The following SLC25A16 variants were observed in gnomAD, a reference collection of about 807,000 sequenced individuals.
SLC25A16 encodes solute carrier family 25 member 16.
Under a neutral mutation model 41.5 loss-of-function variants are expected in SLC25A16, and 39 were observed. That is an observed-to-expected ratio of 0.94 (90% CI 0.73 to 1.23). The LOEUF is 1.23. Ranked by LOEUF, SLC25A16 falls within the 50% of genes most tolerant of loss-of-function variation. The probability of loss-of-function intolerance (pLI) is 0.00; values close to 1 mark genes in which losing one functional copy is unlikely to be tolerated. For missense variants in SLC25A16, 421 were observed against 426.9 expected (o/e 0.99, Z 0.12); for synonymous variants, 146 against 147.8 (o/e 0.99, Z 0.09).
chr10:68,517,284 A>G, intron 1 of SLC25A16: 1 of 985,130 alleles, frequency 1.0e-6, no homozygotes. Flanking sequence ...TTTTTCATTG[A>G]AACAACCAAC....
At chr10:68,484,396 C>T (rs2052525860) in intron 8 of SLC25A16, among the ~76,000 whole-genome samples, 1 of 150,844 alleles carries the variant, frequency 6.6e-6, no homozygotes. Flanking sequence ...TTTCAATAGG[C>T]AATCTGGACC....
intron 1 of SLC25A16, among the ~76,000 whole-genome samples, chr10:68,525,909 C>T (rs923829472): frequency 6.6e-6 from 1 of 152,006 alleles, no homozygotes; most frequent in Non-Finnish European, 1.5e-5. Context: ...CAGCATGCTC[C>T]TTAAGAGTCA....
intron 8 of SLC25A16, among the ~76,000 whole-genome samples, chr10:68,486,265 T>C (rs1268217910): frequency 7.2e-6 from 1 of 139,114 alleles, no homozygotes; most frequent in Non-Finnish European, 1.5e-5. Context: ...TCTAAAATAA[T>C]ATTTTTTTTT....
At position 68,518,479 on chromosome 10, in the gene SLC25A16, C is replaced by A. The variant is rs115528338; in HGVS notation, c.131-1636G>T. 6.7e-3 allele frequency among the ~76,000 whole-genome samples: 1,007 copies of A among 151,312 alleles called. 7 individuals carry two copies. The highest frequency in any genetic ancestry group is 0.023 in the African/African-American group (942 of 41,308). Reference sequence around the variant, plus strand: ...TTTAAAAATCCATATTCTGAGATATCCAAAAATAAATTGTGGCTGGGAGCC... The same window carrying A: ...TTTAAAAATCCATATTCTGAGATATACAAAAATAAATTGTGGCTGGGAGCC... On this transcript the variant is annotated intron_variant, in intron 1 of 8. Transcript: ENST00000609923.
At position 68,487,172 on chromosome 10, in the gene SLC25A16, T is replaced by A; in HGVS notation, c.814A>T (p.Thr272Ser). The A allele has an allele frequency of 6.2e-7, 1 of 1,613,582 alleles. No individual in the cohort carries two copies. Among genetic ancestry groups the A allele is most frequent in the Non-Finnish European group, 8.5e-7 (1 of 1,179,808 alleles). ...CACTTTTCAAATTCCGGCAGAACAGTTCCTAATTGCATTCGCCGACGAGTC... is the reference window on the plus strand; with the variant it reads ...CACTTTTCAAATTCCGGCAGAACAGATCCTAATTGCATTCGCCGACGAGTC... Reference protein sequence around the residue: ...DVTRRRMQLGTVLPEFEKCLT... With the variant: ...DVTRRRMQLGSVLPEFEKCLT... Residue 272 changes from threonine to serine, a missense_variant, in exon 8 of 9, where the codon ACT becomes TCT. Physicochemically the swap from Thr to Ser is moderately conservative, Grantham distance 58 (BLOSUM62 1). Transcript: ENST00000609923.
rs9804370 is a variant in SLC25A16, at chr10:68,498,079, T to C, written c.422-4509A>G. 6.5e-3 allele frequency among the ~76,000 whole-genome samples: 984 copies of C among 152,182 alleles called. 8 individuals carry two copies. The highest frequency in any genetic ancestry group is 0.022 in the African/African-American group (929 of 41,518). On this transcript the variant is annotated intron_variant, in intron 4 of 8. Coordinates refer to ENST00000609923, the MANE Select transcript of SLC25A16 (RefSeq NM_152707.4). ...AGAAATCACAGATCTCTGATACCTGTACAACGTAAGTAAAAAAGCCAAAGG... is the reference window on the plus strand; with the variant it reads ...AGAAATCACAGATCTCTGATACCTGCACAACGTAAGTAAAAAAGCCAAAGG...
intron 2 of SLC25A16, among the ~76,000 whole-genome samples, chr10:68,507,070 CTTTT>C (rs71019019): frequency 2.6e-5 from 3 of 115,634 alleles, no homozygotes; most frequent in South Asian, 3.0e-4. Context: ...ATGACCTACT[CTTTT>C]TTTTTTTTTT....
At chr10:68,525,580 A>G (rs1222554243) in intron 1 of SLC25A16, among the ~76,000 whole-genome samples, 2 of 152,116 alleles carry the variant, frequency 1.3e-5, no homozygotes, top group African/African-American at 4.8e-5. Context: ...CAGCTTCCCT[A>G]GTAACTGGGA....
intron 2 of SLC25A16, among the ~76,000 whole-genome samples, chr10:68,507,317 C>A (rs1431913591): frequency 6.6e-6 from 1 of 151,912 alleles, no homozygotes; most frequent in Non-Finnish European, 1.5e-5. Flanking sequence ...GTGATCCACC[C>A]GTCTCGGCCT....
intron 2 of SLC25A16, among the ~76,000 whole-genome samples, chr10:68,516,105 T>A (rs933174555): frequency 2.0e-5 from 3 of 152,152 alleles, no homozygotes; most frequent in Admixed American, 1.3e-4. Flanking sequence ...CCTGGTGCCG[T>A]AAAGAAATAG....
chr10:68,506,679 CCTT>C lies in SLC25A16; in HGVS notation c.260_262del (p.Glu87del), dbSNP rs747323212. ...ATTTCCTTTATACAATCCAAGGAAT[CCTT>C]CTTTTTGAGGAACAGCACGCAATGC... On this transcript the variant is annotated inframe_deletion, in exon 3 of 9. Transcript: ENST00000609923. 1.9e-6 allele frequency: 3 copies of C among 1,594,326 alleles called. No individual in the cohort carries two copies. Among genetic ancestry groups the C allele is most frequent in the Admixed American group, 1.7e-5 (1 of 57,668 alleles).
chr10:68,527,117 G>T, intron 1 of SLC25A16, 129 bp downstream of exon 1: 1 of 968,502 alleles, frequency 1.0e-6, no homozygotes, highest in Non-Finnish European at 1.5e-6. Context: ...GCAGGTCAGG[G>T]CAGACATCTA....
At chr10:68,521,614 G>C (rs2053251430) in intron 1 of SLC25A16, among the ~76,000 whole-genome samples, 1 of 116,116 alleles carries the variant, frequency 8.6e-6, no homozygotes, top group South Asian at 2.8e-4. Flanking sequence ...TTTTTTTTGA[G>C]ACGGAGTCTC....
At chr10:68,510,016 G>A (rs566061742) in intron 2 of SLC25A16, among the ~76,000 whole-genome samples, 2 of 152,020 alleles carry the variant, frequency 1.3e-5, no homozygotes, top group East Asian at 1.9e-4. Flanking sequence ...GGCAGAGGTT[G>A]CAGTGAGCCG....
chr10:68,523,749 A>G (rs1286171344), intron 1 of SLC25A16, among the ~76,000 whole-genome samples: 2 of 152,108 alleles, frequency 1.3e-5, no homozygotes, highest in Non-Finnish European at 2.9e-5. Context: ...TGCTGGGATT[A>G]CAGGTGTGAG....
At chr10:68,484,100 T>C (rs1374784551) in intron 8 of SLC25A16, among the ~76,000 whole-genome samples, 2 of 152,236 alleles carry the variant, frequency 1.3e-5, no homozygotes, top group East Asian at 3.8e-4. Flanking sequence ...GCATCAAATT[T>C]CAGGACTCAT....
intron 4 of SLC25A16, among the ~76,000 whole-genome samples, chr10:68,500,300 A>T (rs1195197188): frequency 6.6e-6 from 1 of 152,186 alleles, no homozygotes; most frequent in African/African-American, 2.4e-5. Flanking sequence ...GGAGAAAAAT[A>T]TAAATTGTAA....
intron 1 of SLC25A16, among the ~76,000 whole-genome samples, chr10:68,520,672 C>A (rs1487421845): frequency 2.6e-5 from 4 of 151,966 alleles, no homozygotes; most frequent in African/African-American, 9.7e-5. Flanking sequence ...ATTAGCTAGG[C>A]CTGGTGGCAC....
intron 6 of SLC25A16, among the ~76,000 whole-genome samples, chr10:68,490,093 A>T (rs1190356794): frequency 2.0e-5 from 3 of 151,992 alleles, no homozygotes; most frequent in African/African-American, 7.2e-5. Flanking sequence ...AGAACTCATC[A>T]CTACAAAAAA....
Sources: allele counts gnomAD v4.1 joint callset (sites outside exome capture counted in the v4.1 genomes callset), GRCh38; gene constraint gnomAD v4.1.1; transcripts MANE v1.5; gene names NCBI Gene and HGNC (gene_info 2026-07-23, HGNC 2026-07-21).